FBXL17: variants seen among roughly 807,000 people sequenced by gnomAD.
FBXL17 encodes the protein F-box/LRR-repeat protein 17.
In FBXL17, 22 loss-of-function variants were observed where a neutral mutation model predicts 66.2. That is an observed-to-expected ratio of 0.33 (90% CI 0.24 to 0.47). The LOEUF is 0.47. FBXL17 is among the 20% of genes least tolerant of loss of function. The pLI is 1.00. For synonymous variants in FBXL17, 474 were observed against 400.5 expected, an observed-to-expected ratio of 1.18 and a Z score of -2.19; for missense variants, 878 against 948.2, an observed-to-expected ratio of 0.93 and a Z score of 0.97.
At chr5:108,101,253 G>A (rs935643872) in intron 6 of FBXL17, among the ~76,000 whole-genome samples, 5 of 152,352 alleles carry the variant, frequency 3.3e-5, no homozygotes, top group Middle Eastern at 3.4e-3. Context: ...TTCAATGTGT[G>A]TACATAGACC....
intron 6 of FBXL17, among the ~76,000 whole-genome samples, chr5:108,121,892 C>A (rs962596200): frequency 1.3e-5 from 2 of 152,040 alleles, no homozygotes; most frequent in Non-Finnish European, 2.9e-5. Flanking sequence ...TTTTCTTTAT[C>A]TTATTTTTAA....
intron 4 of FBXL17, among the ~76,000 whole-genome samples, chr5:108,234,768 A>C (rs1443235346): frequency 1.3e-5 from 2 of 152,224 alleles, no homozygotes; most frequent in African/African-American, 4.8e-5. Context: ...AGGGGAATCT[A>C]ATTCAGAGGT....
intron 7 of FBXL17, among the ~76,000 whole-genome samples, chr5:107,903,144 C>CGGAA (rs1749631755): frequency 6.6e-6 from 1 of 152,114 alleles, no homozygotes; most frequent in African/African-American, 2.4e-5. Flanking sequence ...ACTTCGGCAA[C>CGGAA]ATAACTCTGG....
At position 108,308,163 on chromosome 5, in the gene FBXL17, G is replaced by A. The variant is rs777647415; in HGVS notation, c.1506+40236C>T. Among the ~76,000 whole-genome samples the A allele has an allele frequency of 1.6e-4, 24 of 151,700 alleles. 1 individual carries two copies. The Middle Eastern group carries it at 0.014, about 87-fold the overall frequency. On this transcript the variant is annotated intron_variant, in intron 4 of 8. Coordinates refer to ENST00000542267, the MANE Select transcript of FBXL17 (RefSeq NM_001163315.3). ...CTATCATGACTTTTTAAAAAATTTT[G>A]TATCAACTAAAATTAAGGAATGAGA...
intron 7 of FBXL17, among the ~76,000 whole-genome samples, chr5:107,963,178 G>A (rs1490768321): frequency 2.0e-5 from 3 of 152,042 alleles, no homozygotes; most frequent in Non-Finnish European, 2.9e-5. Context: ...ACCAGACAGA[G>A]TATTTAAGGG....
chr5:107,925,311 TCTTAC>T (rs1561323562), intron 7 of FBXL17, among the ~76,000 whole-genome samples: 1 of 152,222 alleles, frequency 6.6e-6, no homozygotes, highest in Admixed American at 6.5e-5. Flanking sequence ...GTTATACTTC[TCTTAC>T]GATTCTATGT....
chr5:108,263,699 TATA>T (rs1756928791), intron 4 of FBXL17, among the ~76,000 whole-genome samples: 1 of 152,188 alleles, frequency 6.6e-6, no homozygotes, highest in Non-Finnish European at 1.5e-5. Flanking sequence ...ATTTCAAAAT[TATA>T]ATTAGTCAAT....
chr5:108,242,629 A>G (rs1453363157), intron 4 of FBXL17, among the ~76,000 whole-genome samples: 1 of 152,202 alleles, frequency 6.6e-6, no homozygotes, highest in Non-Finnish European at 1.5e-5. Flanking sequence ...TTCAAAAACA[A>G]AAAATGAAAG....
intron 6 of FBXL17, among the ~76,000 whole-genome samples, chr5:108,059,508 T>A (rs1747838632): frequency 6.6e-6 from 1 of 152,172 alleles, no homozygotes; most frequent in African/African-American, 2.4e-5. Context: ...GCAACCCATC[T>A]TGCACAACCT....
intron 8 of FBXL17, among the ~76,000 whole-genome samples, chr5:107,868,414 C>T (rs1748345022): frequency 1.3e-5 from 2 of 152,170 alleles, no homozygotes; most frequent in Admixed American, 1.3e-4. Flanking sequence ...ACTTGGCCTG[C>T]AGAACAGTCT....
intron 4 of FBXL17, among the ~76,000 whole-genome samples, chr5:108,278,207 C>G (rs188619523): frequency 1.5e-3 from 230 of 152,200 alleles, no homozygotes; most frequent in African/African-American, 5.4e-3. Context: ...GACCCTCCAA[C>G]CCCCAAATCT....
intron 6 of FBXL17, among the ~76,000 whole-genome samples, chr5:108,118,294 T>C: frequency 6.6e-6 from 1 of 152,182 alleles, no homozygotes; most frequent in East Asian, 1.9e-4. Context: ...CTGGTGGACC[T>C]ACAATAACTT....
At chr5:108,019,712 C>T (rs1469339769) in intron 7 of FBXL17, among the ~76,000 whole-genome samples, 1 of 151,880 alleles carries the variant, frequency 6.6e-6, no homozygotes, top group East Asian at 1.9e-4. Flanking sequence ...AGGGAGAACT[C>T]TTTAGGGTCT....
intron 4 of FBXL17, among the ~76,000 whole-genome samples, chr5:108,227,938 A>C (rs576884828): frequency 6.6e-6 from 1 of 152,248 alleles, no homozygotes; most frequent in African/African-American, 2.4e-5. Flanking sequence ...TTGGTTAAAC[A>C]CCCTGCTCAA....
chr5:107,891,335 C>T (rs752908033), intron 7 of FBXL17, among the ~76,000 whole-genome samples: 6 of 152,116 alleles, frequency 3.9e-5, no homozygotes, highest in Non-Finnish European at 7.3e-5. Flanking sequence ...TATTGGCTTT[C>T]ACTCTAAATA....
At chr5:108,299,632 A>C in intron 4 of FBXL17, 1 of 974,102 alleles carries the variant, frequency 1.0e-6, no homozygotes, top group Non-Finnish European at 1.2e-6. Context: ...TTCAAAATGC[A>C]AAAAATAATA....
intron 3 of FBXL17, among the ~76,000 whole-genome samples, chr5:108,353,338 G>A (rs1344204001): frequency 1.3e-5 from 2 of 152,298 alleles, no homozygotes; most frequent in Admixed American, 1.3e-4. Context: ...CAGGGCTAGA[G>A]TAGGAAAACC....
intron 4 of FBXL17, among the ~76,000 whole-genome samples, chr5:108,283,409 T>A (rs1160705772): frequency 6.6e-6 from 1 of 151,852 alleles, no homozygotes; most frequent in Non-Finnish European, 1.5e-5. Context: ...TATATTCAAC[T>A]GATCTTTGAC....
intron 6 of FBXL17, among the ~76,000 whole-genome samples, chr5:108,122,956 C>T (rs1750560830): frequency 1.3e-5 from 2 of 151,912 alleles, no homozygotes; most frequent in South Asian, 4.2e-4. Flanking sequence ...CTAATACCGC[C>T]AACACATGAC....
Sources: allele counts gnomAD v4.1 joint callset (sites outside exome capture counted in the v4.1 genomes callset), GRCh38; gene constraint gnomAD v4.1.1; transcripts MANE v1.5; gene names NCBI Gene and HGNC (gene_info 2026-07-23, HGNC 2026-07-21).